The following RBMS3 variants were observed in gnomAD, a reference collection of about 807,000 sequenced individuals.
The protein encoded by RBMS3 is RNA-binding motif, single-stranded-interacting protein 3.
RBMS3 carries 27 observed loss-of-function variants against 66.8 expected under a neutral mutation model. The observed-to-expected ratio is 0.40, with a 90% CI of 0.30 to 0.56. The LOEUF (loss-of-function observed/expected upper bound fraction) is 0.56. Ranked by LOEUF, RBMS3 falls within the 20% of genes least tolerant of loss-of-function variation. The probability of loss-of-function intolerance (pLI) is 0.40; values close to 1 mark genes in which losing one functional copy is unlikely to be tolerated. For missense variants in RBMS3, 513 were observed against 549.5 expected, an observed-to-expected ratio of 0.93 and a Z score of 0.66; for synonymous variants, 188 against 183.0, an observed-to-expected ratio of 1.03 and a Z score of -0.22.
intron 4 of RBMS3, 141 bp from the exon 5 acceptor site, chr3:29,739,579 A>G (rs1329287906): frequency 1.6e-6 from 1 of 608,210 alleles, no homozygotes; most frequent in Non-Finnish European, 2.6e-6. Flanking sequence ...CAGTAAAAAG[A>G]AGTAATGCCC....
intron 6 of RBMS3, among the ~76,000 whole-genome samples, chr3:29,831,611 C>T (rs575500299): frequency 2.6e-5 from 4 of 152,126 alleles, no homozygotes; most frequent in African/African-American, 9.6e-5. Context: ...TTATAAATCA[C>T]TCGATACTTG....
intron 2 of RBMS3, among the ~76,000 whole-genome samples, chr3:29,482,701 CTTTTTTTTTTT>C (rs755520785): frequency 8.4e-4 from 65 of 77,508 alleles, no homozygotes; most frequent in African/African-American, 3.2e-3. Context: ...TTCTTTCTTT[CTTTTTTTTTTT>C]TTTTTTTTTT....
At chr3:29,639,593 C>CAGAGAGAG (rs60712857) in intron 4 of RBMS3, among the ~76,000 whole-genome samples, 2,479 of 143,142 alleles carry the variant, frequency 0.017, 40 homozygotes, top group Middle Eastern at 0.031. Context: ...AGAAGATAGA[C>CAGAGAGAG]AGAGAGAGAG....
chr3:29,498,767 C>T (rs1249467841), intron 3 of RBMS3, among the ~76,000 whole-genome samples: 1 of 152,124 alleles, frequency 6.6e-6, no homozygotes, highest in Non-Finnish European at 1.5e-5. Flanking sequence ...GTTTCTATGG[C>T]CTTGGACTTG....
chr3:29,304,934 ATCCTCAGTGACTGCTT>A (rs1194453026), intron 1 of RBMS3, among the ~76,000 whole-genome samples: 2 of 151,868 alleles, frequency 1.3e-5, no homozygotes, highest in African/African-American at 4.8e-5. Flanking sequence ...AACAATATAT[ATCCTCAGTGACTGCTT>A]CTTGAAACAC....
chr3:29,701,897 T>C (rs1172500042), intron 4 of RBMS3, among the ~76,000 whole-genome samples: 5 of 152,004 alleles, frequency 3.3e-5, no homozygotes, highest in African/African-American at 1.2e-4. Context: ...CCCGGTCCCA[T>C]CGACCGCCCA....
chr3:29,550,026 C>G (rs55816920), intron 3 of RBMS3, among the ~76,000 whole-genome samples: 2,172 of 152,228 alleles, frequency 0.014, 45 homozygotes, highest in African/African-American at 0.05. Context: ...GTTCTCATTT[C>G]CAAACATTCA....
intron 12 of RBMS3, among the ~76,000 whole-genome samples, chr3:29,950,912 T>A (rs1336271935): frequency 6.6e-6 from 1 of 151,876 alleles, no homozygotes; most frequent in African/African-American, 2.4e-5. Context: ...TCCAGATGAA[T>A]GAATATACTT....
At chr3:29,648,214 A>G (rs1220748881) in intron 4 of RBMS3, among the ~76,000 whole-genome samples, 8 of 145,022 alleles carry the variant, frequency 5.5e-5, no homozygotes, top group Admixed American at 2.1e-4. Context: ...ATATTCAATT[A>G]TATTTTCATT....
At chr3:29,790,012 G>C (rs1163332920) in intron 6 of RBMS3, among the ~76,000 whole-genome samples, 1 of 152,102 alleles carries the variant, frequency 6.6e-6, no homozygotes, top group Admixed American at 6.5e-5. Context: ...AAATCTTAAA[G>C]ACAAAAGGTG....
intron 1 of RBMS3, among the ~76,000 whole-genome samples, chr3:29,410,770 G>A (rs972472435): frequency 2.0e-5 from 3 of 152,142 alleles, no homozygotes; most frequent in Non-Finnish European, 4.4e-5. Context: ...TATTCACTGG[G>A]TGTTTTTCAA....
chr3:29,448,888 A>T (rs1014015462), intron 2 of RBMS3, among the ~76,000 whole-genome samples: 1 of 152,218 alleles, frequency 6.6e-6, no homozygotes. Flanking sequence ...ACTTACTGAC[A>T]TTTACTGCAA....
rs143051685 is a variant in RBMS3, at chr3:29,728,258, C to T, written c.400-11462C>T. Among the ~76,000 whole-genome samples, 311 of 151,716 alleles carry T rather than the reference C, an allele frequency of 2.0e-3. 7 individuals are homozygous for T. The East Asian group carries it at 0.053, about 26-fold the overall frequency. Reference sequence around the variant, plus strand: ...GATTGGGACAAATACCTAACTCATGCGAGGCTTAAAACCTAGATGACGGGT... The same window carrying T: ...GATTGGGACAAATACCTAACTCATGTGAGGCTTAAAACCTAGATGACGGGT... On this transcript the variant is annotated intron_variant, in intron 4 of 14. Transcript: ENST00000383767.
chr3:29,313,582 G>A (rs2034504415), intron 1 of RBMS3, among the ~76,000 whole-genome samples: 1 of 151,604 alleles, frequency 6.6e-6, no homozygotes, highest in Admixed American at 6.6e-5. Flanking sequence ...TGTGGCCACG[G>A]CTGCCCCTTA....
chr3:29,987,854 T>C (rs1698535628), intron 12 of RBMS3, among the ~76,000 whole-genome samples: 1 of 152,126 alleles, frequency 6.6e-6, no homozygotes, highest in Admixed American at 6.5e-5. Context: ...AAATGTGAAA[T>C]GTTTGAGATC....
At chr3:29,744,384 T>C (rs1162399713) in intron 5 of RBMS3, among the ~76,000 whole-genome samples, 3 of 152,218 alleles carry the variant, frequency 2.0e-5, no homozygotes, top group Non-Finnish European at 2.9e-5. Context: ...AATTGTGAGA[T>C]AGAGTACTGG....
chr3:29,683,297 A>G (rs1299156793), intron 4 of RBMS3, among the ~76,000 whole-genome samples: 3 of 152,234 alleles, frequency 2.0e-5, no homozygotes, highest in Non-Finnish European at 4.4e-5. Flanking sequence ...AGTATTTTCA[A>G]AAACACAGGT....
chr3:29,863,555 A>T (rs919313474), intron 6 of RBMS3, among the ~76,000 whole-genome samples: 3 of 152,148 alleles, frequency 2.0e-5, no homozygotes, highest in African/African-American at 7.2e-5. Context: ...CATTATCAAT[A>T]TTCATAGCCT....
intron 12 of RBMS3, among the ~76,000 whole-genome samples, chr3:29,967,143 G>A (rs1309922431): frequency 6.6e-6 from 1 of 152,136 alleles, no homozygotes; most frequent in African/African-American, 2.4e-5. Context: ...ATATCAGTCT[G>A]TAGTTGTCTT....
Sources: allele counts gnomAD v4.1 joint callset (sites outside exome capture counted in the v4.1 genomes callset), GRCh38; gene constraint gnomAD v4.1.1; transcripts MANE v1.5; gene names NCBI Gene and HGNC (gene_info 2026-07-23, HGNC 2026-07-21).